CRIP2: variants seen among roughly 807,000 people sequenced by gnomAD.
CRIP2 encodes cysteine rich protein 2.
CRIP2 carries 31 observed loss-of-function variants against 31.3 expected under a neutral mutation model. That is an observed-to-expected ratio of 0.99 (90% CI 0.74 to 1.34). The LOEUF (loss-of-function observed/expected upper bound fraction) is 1.34, where lower values mean the gene tolerates loss of function less well. Ranked by LOEUF, CRIP2 falls within the 40% of genes most tolerant of loss-of-function variation. CRIP2 has a pLI of 0.00. For missense variants in CRIP2, 389 were observed against 301.6 expected, an observed-to-expected ratio of 1.29 and a Z score of -2.15; for synonymous variants, 177 against 127.2, an observed-to-expected ratio of 1.39 and a Z score of -2.63.
At position 105,478,990 on chromosome 14, in the gene CRIP2, A is replaced by G; in HGVS notation, c.349A>G (p.Thr117Ala). The G allele has an allele frequency of 1.3e-6, 2 of 1,576,064 alleles. No individual in the cohort carries two copies. Among genetic ancestry groups the G allele is most frequent in the Non-Finnish European group, 1.7e-6 (2 of 1,165,504 alleles). ...CGTGCGCCCCACAGCCTCCAGTGTCACCACTTTCACCGGGGAGCCCAACAC... is the reference window on the plus strand; with the variant it reads ...CGTGCGCCCCACAGCCTCCAGTGTCGCCACTTTCACCGGGGAGCCCAACAC... ...PKGPSRASSV[T>A]TFTGEPNTCP... is the part of the protein sequence containing the mutation. The change falls in exon 5 of 8, where the codon ACC (threonine) becomes GCC (alanine). Residue 117 changes from threonine (T) to alanine (A), a missense_variant. By Grantham distance (58) the Thr-to-Ala change is moderately conservative. Transcript: ENST00000329146. The surrounding 1 kb of genome is among the most constrained non-coding windows in gnomAD (Gnocchi z 4.9).
At chr14:105,477,028 G>A in intron 1 of CRIP2, 2 of 178,140 alleles carry the variant, frequency 1.1e-5, no homozygotes, top group Non-Finnish European at 2.2e-5. Context: ...CACTTGCTGA[G>A]AAAGGGAGCT....
At chr14:105,473,429 G>T (rs1555435164), upstream of CRIP2, 4 of 1,535,704 alleles carry the variant, frequency 2.6e-6, no homozygotes, top group East Asian at 9.8e-5. Flanking sequence ...AGAGAGCCCA[G>T]CCAGGACCAC....
chr14:105,478,405 C>A lies in CRIP2; in HGVS notation c.138+45C>A. 1 of 1,583,776 alleles carries A rather than the reference C, an allele frequency of 6.3e-7. No homozygotes were observed. The highest frequency in any genetic ancestry group is 8.6e-7 in the Non-Finnish European group (1 of 1,169,078). ...GCGGGCGGGGGCGGGGGTCGCGACT[C>A]CCGCCACCCTCAGGCAGGGTCCTGA... On this transcript the variant is annotated intron_variant, in intron 2 of 7. Coordinates refer to ENST00000329146, the MANE Select transcript of CRIP2 (RefSeq NM_001312.4). This position sits in a 1 kb window ranked among gnomAD's most constrained non-coding sequence, Gnocchi z 4.9.
intron 6 of CRIP2, 73 bp from the exon 7 acceptor site, chr14:105,479,363 G>T (rs2084036550): frequency 2.5e-6 from 4 of 1,599,828 alleles, no homozygotes; most frequent in Admixed American, 1.7e-5. Flanking sequence ...CGGCCTGCAC[G>T]TTCTGGAAGC....
At chr14:105,473,227 G>A (rs1555435116), upstream of CRIP2, 8 of 1,531,226 alleles carry the variant, frequency 5.2e-6, no homozygotes, top group South Asian at 8.3e-5. Flanking sequence ...AGGAAGGGCT[G>A]CCCAGAAAAG....
At position 105,479,791 on chromosome 14, in the gene CRIP2, C is replaced by T; in HGVS notation, c.*138C>T. 1 of 916,826 alleles carries T rather than the reference C, an allele frequency of 1.1e-6. No individual in the cohort carries two copies. Among genetic ancestry groups the T allele is most frequent in the South Asian group, 1.6e-5 (1 of 64,408 alleles). The allele number at this position is 916,826 out of a possible 1,614,324, so 56.8% of individuals were successfully genotyped here. A position where few individuals can be genotyped will look rare whatever the true frequency, so the allele number is the denominator to read the frequency against. ...GGGCGAGTATTGGAGGAGGGGCAGC[C>T]ACGGGCAGAGCACCATGCCCATCCC... On this transcript the variant is annotated 3_prime_UTR_variant, in exon 8 of 8. Coordinates refer to ENST00000329146, the MANE Select transcript of CRIP2 (RefSeq NM_001312.4).
chr14:105,474,978 C>T lies in CRIP2; in HGVS notation c.43+73C>T, dbSNP rs2141745130. On this transcript the variant is annotated intron_variant, in intron 1 of 7. Transcript: ENST00000329146. The surrounding 1 kb of genome is among the most constrained non-coding windows in gnomAD (Gnocchi z 5.1). Reference sequence around the variant, plus strand: ...TCGCGGCCAGTCCCGCGCCGCAGAGCCGCGGCGTAACTCGGGGTGCGCCCG... The same window carrying T: ...TCGCGGCCAGTCCCGCGCCGCAGAGTCGCGGCGTAACTCGGGGTGCGCCCG... The T allele has an allele frequency of 2.9e-6, 4 of 1,378,274 alleles. No individual in the cohort carries two copies. Among genetic ancestry groups the T allele is most frequent in the Non-Finnish European group, 2.8e-6 (3 of 1,060,510 alleles). The allele number at this position is 1,378,274 out of a possible 1,614,324, so 85.4% of individuals were successfully genotyped here.
chr14:105,473,210 G>T (rs1555435110), upstream of CRIP2: 1 of 1,533,078 alleles, frequency 6.5e-7, no homozygotes, highest in Non-Finnish European at 8.7e-7. Flanking sequence ...CCCTGGGCCT[G>T]CCAGGGAGGA....
At position 105,475,330 on chromosome 14, in the gene CRIP2, C is replaced by T. The variant is rs995193941; in HGVS notation, c.43+425C>T. ...TGGGCCCTTTCTCCTGGACCCCCTACACCCGCTTCCCCCGGGAACAAGTGG... is the reference window on the plus strand; with the variant it reads ...TGGGCCCTTTCTCCTGGACCCCCTATACCCGCTTCCCCCGGGAACAAGTGG... On this transcript the variant is annotated intron_variant, in intron 1 of 7. Coordinates refer to ENST00000329146, the MANE Select transcript of CRIP2 (RefSeq NM_001312.4). 3.0e-5 allele frequency: 5 copies of T among 166,378 alleles called. No homozygotes were observed. In the Admixed American group the frequency reaches 3.2e-4, roughly 11 times the overall value. The allele number at this position is 166,378 out of a possible 1,614,324, so 10.3% of individuals were successfully genotyped here.
chr14:105,476,789 T>G (rs1555435880), intron 1 of CRIP2: 3 of 984,010 alleles, frequency 3.0e-6, no homozygotes, highest in Non-Finnish European at 1.2e-6. Flanking sequence ...CAGAGGGCTC[T>G]AAGCTGGTGC....
chr14:105,476,313 G>A, intron 1 of CRIP2: 2 of 985,462 alleles, frequency 2.0e-6, no homozygotes, highest in Non-Finnish European at 2.4e-6. Flanking sequence ...AAACAAAGGC[G>A]CTTCAGACCC....
rs782279675 is a variant in CRIP2 at position 105,479,028 on chromosome 14, C to T, written c.387C>T (p.Cys129=). The T allele has an allele frequency of 6.3e-7, 1 of 1,583,488 alleles. No homozygotes were observed. Among genetic ancestry groups the T allele is most frequent in the South Asian group, 1.1e-5 (1 of 87,026 alleles). Residue 129 remains cysteine, a synonymous_variant, in exon 5 of 8, where the codon TGC becomes TGT. Transcript: ENST00000329146. Reference sequence around the variant, plus strand: ...GGGAGCCCAACACGTGCCCGCGCTGCAGCAAGAAGGTGTACTTCGGTGAGT... The same window carrying T: ...GGGAGCCCAACACGTGCCCGCGCTGTAGCAAGAAGGTGTACTTCGGTGAGT... The part of the protein sequence containing the change: ...FTGEPNTCPR[C]SKKVYFAEKV...
rs1341553263 is a variant in CRIP2 at position 105,479,934 on chromosome 14, G to A, written c.*281G>A. On this transcript the variant is annotated 3_prime_UTR_variant, in exon 8 of 8. Transcript: ENST00000329146. ...CCCAGCATTTTCCCGCCGACCCTGC[G>A]TGTCCCCGTGGCGCTGTCCGCTCTC... 1.2e-5 allele frequency: 6 copies of A among 503,636 alleles called. No homozygotes were observed. The highest frequency in any genetic ancestry group is 3.5e-5 in the East Asian group (1 of 28,634). 31.2% of individuals were successfully genotyped at this position (503,636 alleles called of 1,614,324 possible). A position where few individuals can be genotyped will look rare whatever the true frequency, so the allele number is the denominator to read the frequency against.
At chr14:105,474,818 G>A, upstream of CRIP2, 2 of 1,377,004 alleles carry the variant, frequency 1.5e-6, no homozygotes, top group Non-Finnish European at 1.9e-6. The surrounding 1 kb of genome is among the most constrained non-coding windows in gnomAD (Gnocchi z 5.1). Flanking sequence ...GCGGCGGCCC[G>A]GAGGAGAACG....
At position 105,479,490 on chromosome 14, in the gene CRIP2, A is replaced by G. The variant is rs782726914; in HGVS notation, c.556A>G (p.Lys186Glu). 6.2e-7 allele frequency: 1 copy of G among 1,612,926 alleles called. No individual in the cohort carries two copies. The highest frequency in any genetic ancestry group is 1.1e-5 in the South Asian group (1 of 91,080). Reference sequence around the variant, plus strand: ...CTGCTATGGAATCCTCTTCGGACCCAAGGGTGAGTGTAGCCAGGGTGGTCC... The same window carrying G: ...CTGCTATGGAATCCTCTTCGGACCCGAGGGTGAGTGTAGCCAGGGTGGTCC... Reference protein sequence around the residue: ...KPCYGILFGPKGVNTGAVGSY... With the variant: ...KPCYGILFGPEGVNTGAVGSY... Residue 186 changes from lysine (K) to glutamate (E), a missense_variant, in exon 7 of 8, where the codon AAG becomes GAG. By Grantham distance (56) the Lys-to-Glu change is moderately conservative. Transcript: ENST00000329146.
rs587720110 is a variant in CRIP2 at position 105,478,423 on chromosome 14, G to A, written c.139-27G>A. On this transcript the variant is annotated intron_variant, in intron 2 of 7. Coordinates refer to ENST00000329146, the MANE Select transcript of CRIP2 (RefSeq NM_001312.4). The surrounding 1 kb of genome is among the most constrained non-coding windows in gnomAD (Gnocchi z 4.9). ...CGCGACTCCCGCCACCCTCAGGCAG[G>A]GTCCTGACCCGCGCCCCTCTGCGCA... The A allele has an allele frequency of 5.0e-6, 8 of 1,595,956 alleles. No homozygotes were observed. Among genetic ancestry groups the A allele is most frequent in the Non-Finnish European group, 4.3e-6 (5 of 1,175,116 alleles).
chr14:105,479,294 T>G (rs748461792), intron 6 of CRIP2, 75 bp downstream of exon 6: 358 of 1,456,942 alleles, frequency 2.5e-4, no homozygotes, highest in Non-Finnish European at 3.2e-4. Flanking sequence ...GAGGCGCGCC[T>G]AGAGGGGATG....
chr14:105,478,583 GGTCCCGGCCGCCGTGGATCCCCGCCCAGA>G lies in CRIP2; in HGVS notation c.196+82_196+110del, dbSNP rs1340905684. The stretch of plus-strand genomic sequence containing the variant: ...GGCGCTGGCGCTGGGGAGGGCTGGG[GGTCCCGGCCGCCGTGGATCCCCGCCCAGA>G]GTCCCTGCCACCCTGGAAAGCCTAG... On this transcript the variant is annotated intron_variant, in intron 3 of 7. Transcript: ENST00000329146. This position sits in a 1 kb window ranked among gnomAD's most constrained non-coding sequence, Gnocchi z 4.9. The G allele has an allele frequency of 1.4e-5, 22 of 1,541,360 alleles. No homozygotes were observed. The Admixed American group carries it at 3.5e-4, about 24-fold the overall frequency.
chr14:105,473,300 G>A (rs900986337), upstream of CRIP2: 2 of 1,532,778 alleles, frequency 1.3e-6, no homozygotes. Flanking sequence ...AGTGCAGAGG[G>A]GGAGCTGGTC....
Sources: gnomAD v4.1 joint callset for allele counts on GRCh38, gnomAD v4.1.1 for gene constraint, Gnocchi (gnomAD v3.1) non-coding constraint, MANE v1.5 for transcripts, NCBI Gene and HGNC (gene_info 2026-07-23, HGNC 2026-07-21) for gene names.